Variants in TENM2 observed in about 807,000 individuals in gnomAD.
TENM2 encodes the protein teneurin transmembrane protein 2, also known as teneurin-2.
In TENM2, 52 loss-of-function variants were observed where a neutral mutation model predicts 245.2. The ratio of observed to expected loss-of-function variants is 0.21; its 90% CI spans 0.17 to 0.27. The LOEUF (loss-of-function observed/expected upper bound fraction) is 0.27, where lower values mean the gene tolerates loss of function less well. Ranked by LOEUF, TENM2 falls within the 10% of genes least tolerant of loss-of-function variation. The pLI is 1.00. For missense variants in TENM2, 3,046 were observed against 3,666.8 expected, an observed-to-expected ratio of 0.83 and a Z score of 4.37; for synonymous variants, 1,363 against 1,438.9, an observed-to-expected ratio of 0.95 and a Z score of 1.19.
chr5:167,021,247 G>A, the TENM2 span, among the ~76,000 whole-genome samples: 41 of 152,168 alleles, frequency 2.7e-4, no homozygotes, highest in Admixed American at 1.6e-3. Context: ...CAGGTGGGTC[G>A]TTAAGAAGTA....
At chr5:167,702,637 TTTTG>T (rs1758240805) in intron 2 of TENM2, among the ~76,000 whole-genome samples, 1 of 150,622 alleles carries the variant, frequency 6.6e-6, no homozygotes, top group Non-Finnish European at 1.5e-5. Flanking sequence ...TTTTTTGTTT[TTTTG>T]TTTGTTTTGT....
the TENM2 span, among the ~76,000 whole-genome samples, chr5:167,217,390 G>A: frequency 6.6e-6 from 1 of 152,136 alleles, no homozygotes; most frequent in Non-Finnish European, 1.5e-5. Context: ...GGATCAGTCT[G>A]CAATCTTAAG....
At chr5:167,948,152 T>G (rs1407410705) in intron 3 of TENM2, among the ~76,000 whole-genome samples, 3 of 152,242 alleles carry the variant, frequency 2.0e-5, no homozygotes, top group African/African-American at 7.2e-5. Flanking sequence ...CCATGCCGTG[T>G]GAGCAACTCT....
At chr5:167,422,039 C>T (rs1435672099) in intron 2 of TENM2, among the ~76,000 whole-genome samples, 3 of 152,110 alleles carry the variant, frequency 2.0e-5, no homozygotes, top group Non-Finnish European at 4.4e-5. Flanking sequence ...ATCCACCTGC[C>T]TCAACCTCTC....
the TENM2 span, among the ~76,000 whole-genome samples, chr5:167,253,884 C>G: frequency 6.6e-6 from 1 of 152,030 alleles, no homozygotes; most frequent in African/African-American, 2.4e-5. Flanking sequence ...AACTAAAGCT[C>G]TGAAGATTCT....
intron 4 of TENM2, among the ~76,000 whole-genome samples, chr5:167,962,774 A>G (rs750163550): frequency 3.2e-4 from 48 of 152,150 alleles, no homozygotes; most frequent in Non-Finnish European, 3.8e-4. Flanking sequence ...CTCACTCACT[A>G]TCACGACAAC....
At chr5:167,452,964 T>TTTTAAATATATATATATTTA in intron 2 of TENM2, among the ~76,000 whole-genome samples, 1 of 108,212 alleles carries the variant, frequency 9.2e-6, no homozygotes, top group East Asian at 2.9e-4. Flanking sequence ...TATATATATT[T>TTTTAAATATATATATATTTA]AAAAAAAAAA....
At chr5:167,407,994 A>C (rs1762721885) in intron 2 of TENM2, among the ~76,000 whole-genome samples, 1 of 152,188 alleles carries the variant, frequency 6.6e-6, no homozygotes. Flanking sequence ...CCGTACTTGG[A>C]AGTTCATACA....
At chr5:167,891,173 G>C in intron 3 of TENM2, among the ~76,000 whole-genome samples, 1 of 152,124 alleles carries the variant, frequency 6.6e-6, no homozygotes, top group Admixed American at 6.5e-5. Context: ...TAGATAGATA[G>C]GTACCTCTAA....
At chr5:167,066,357 C>T in the TENM2 span, among the ~76,000 whole-genome samples, 3 of 152,090 alleles carry the variant, frequency 2.0e-5, no homozygotes, top group Non-Finnish European at 2.9e-5. Context: ...AGTTCCTATC[C>T]ACTCACATTT....
At chr5:167,508,494 C>T (rs1204500923) in intron 2 of TENM2, among the ~76,000 whole-genome samples, 2 of 152,128 alleles carry the variant, frequency 1.3e-5, no homozygotes, top group East Asian at 1.9e-4. Context: ...CACATATTCA[C>T]AGTCTTTGAA....
chr5:167,844,081 C>T (rs188199627), intron 2 of TENM2, among the ~76,000 whole-genome samples: 19 of 152,272 alleles, frequency 1.2e-4, no homozygotes, highest in South Asian at 1.2e-3. Flanking sequence ...TTAGTTTGCT[C>T]AGTGTCCAGG....
intron 3 of TENM2, among the ~76,000 whole-genome samples, chr5:167,923,606 T>C (rs139258735): frequency 6.6e-6 from 1 of 152,332 alleles, no homozygotes; most frequent in East Asian, 1.9e-4. Context: ...TAGTCATGTC[T>C]GGTCTGCATG....
chr5:168,130,969 G>A (rs1754523826), intron 12 of TENM2, among the ~76,000 whole-genome samples: 1 of 152,196 alleles, frequency 6.6e-6, no homozygotes, highest in Admixed American at 6.5e-5. Flanking sequence ...TAGAATGTGT[G>A]TAATAATAGA....
chr5:168,116,077 T>C (rs1795062057), intron 9 of TENM2, among the ~76,000 whole-genome samples: 1 of 152,216 alleles, frequency 6.6e-6, no homozygotes, highest in Non-Finnish European at 1.5e-5. Context: ...ACTTCATATT[T>C]GCATGTTCCC....
chr5:167,438,087 A>C (rs923226175), intron 2 of TENM2, among the ~76,000 whole-genome samples: 29 of 152,162 alleles, frequency 1.9e-4, no homozygotes, highest in African/African-American at 6.5e-4. Flanking sequence ...TCCTCCATAT[A>C]AAATATAGTC....
chr5:167,227,152 G>C, the TENM2 span, among the ~76,000 whole-genome samples: 1 of 151,846 alleles, frequency 6.6e-6, no homozygotes. Context: ...CTTTTAAGTT[G>C]AGAATATTTT....
chr5:167,835,062 A>G (rs1768866661), intron 2 of TENM2, among the ~76,000 whole-genome samples: 1 of 152,196 alleles, frequency 6.6e-6, no homozygotes, highest in Admixed American at 6.5e-5. Flanking sequence ...TGAGCATGGT[A>G]TTGACCCTCT....
chr5:167,445,331 A>AGGGG (rs1425509022), intron 2 of TENM2, among the ~76,000 whole-genome samples: 1 of 101,418 alleles, frequency 9.9e-6, no homozygotes, highest in African/African-American at 3.8e-5. Flanking sequence ...ATATATATAT[A>AGGGG]TATATAGAGA....
Sources: allele counts gnomAD v4.1 joint callset (sites outside exome capture counted in the v4.1 genomes callset), GRCh38; gene constraint gnomAD v4.1.1; transcripts MANE v1.5; gene names NCBI Gene and HGNC (gene_info 2026-07-23, HGNC 2026-07-21).